Variants in CYRIB observed in about 807,000 individuals in gnomAD.
The protein encoded by CYRIB is CYFIP-related Rac1 interactor B.
A neutral mutation model predicts 44.2 loss-of-function variants in CYRIB; 8 were observed. The observed-to-expected ratio is 0.18, with a 90% CI of 0.11 to 0.33. The LOEUF is 0.33. CYRIB is among the 10% of genes least tolerant of loss of function. The pLI, the probability that CYRIB is intolerant of heterozygous loss-of-function variation, is 1.00. For missense variants in CYRIB, 185 were observed against 382.8 expected (o/e 0.48, Z 4.31); for synonymous variants, 131 against 127.2 (o/e 1.03, Z -0.20).
intron 1 of CYRIB, among the ~76,000 whole-genome samples, chr8:130,003,685 T>C (rs1490470475): frequency 6.6e-6 from 1 of 152,244 alleles, no homozygotes; most frequent in African/African-American, 2.4e-5. Flanking sequence ...ATCAGGTTCC[T>C]CTTCTTTTGG....
At chr8:129,964,377 C>G (rs996147135) in intron 2 of CYRIB, among the ~76,000 whole-genome samples, 1 of 152,200 alleles carries the variant, frequency 6.6e-6, no homozygotes, top group Non-Finnish European at 1.5e-5. Context: ...AAAATTAGTA[C>G]TGACTGAATA....
In CYRIB at chr8:129,878,262, A is replaced by G. The variant is rs186685017; in HGVS notation, c.73+1127T>C. ...TTATAGAAATGGAATAAAAGTAGAAAATAACCAGAGACCACAAATTATTCT... is the reference window on the plus strand; with the variant it reads ...TTATAGAAATGGAATAAAAGTAGAAGATAACCAGAGACCACAAATTATTCT... On this transcript the variant is annotated intron_variant, in intron 3 of 11. Coordinates refer to ENST00000519824, the Ensembl canonical transcript of CYRIB. Among the ~76,000 whole-genome samples the G allele has an allele frequency of 1.6e-4, 24 of 152,370 alleles. No individual in the cohort carries two copies. The East Asian group carries it at 3.1e-3, about 20-fold the overall frequency.
intron 2 of CYRIB, among the ~76,000 whole-genome samples, chr8:129,945,662 G>A (rs1179076297): frequency 1.3e-5 from 2 of 152,082 alleles, no homozygotes; most frequent in Non-Finnish European, 2.9e-5. Context: ...TCCGCCTCCC[G>A]AGTTCAAGCG....
chr8:129,860,189 G>A lies in CYRIB; in HGVS notation c.301+2040C>T, dbSNP rs186582548. Among the ~76,000 whole-genome samples, 76 of 152,262 alleles carry A rather than the reference G, an allele frequency of 5.0e-4. No homozygotes were observed. The South Asian group carries it at 0.01, about 21-fold the overall frequency. ...GCACCCATGATGGGACACACACCAC[G>A]AGACCGATTAATTCCCATGGTAAAA... On this transcript the variant is annotated intron_variant, in intron 5 of 11. Coordinates refer to ENST00000519824, the Ensembl canonical transcript of CYRIB.
upstream of CYRIB, among the ~76,000 whole-genome samples, chr8:129,942,428 T>C (rs1327761837): frequency 2.6e-5 from 4 of 152,202 alleles, no homozygotes; most frequent in Non-Finnish European, 5.9e-5. Flanking sequence ...CTGCCCTGGG[T>C]CCATTCCTGC....
chr8:130,006,432 G>A (rs974587755), intron 1 of CYRIB, among the ~76,000 whole-genome samples: 5 of 147,850 alleles, frequency 3.4e-5, no homozygotes, highest in South Asian at 2.1e-4. Flanking sequence ...CTTGAGCAAC[G>A]TAGCAAGACT....
At chr8:129,907,347 C>CA (rs1321158167) in intron 1 of CYRIB, among the ~76,000 whole-genome samples, 2 of 151,092 alleles carry the variant, frequency 1.3e-5, no homozygotes, top group Non-Finnish European at 2.9e-5. Flanking sequence ...TATCGCAGAA[C>CA]AAAAAACCAA....
intron 1 of CYRIB, among the ~76,000 whole-genome samples, chr8:129,935,401 C>T (rs2092612653): frequency 6.6e-6 from 1 of 152,194 alleles, no homozygotes; most frequent in Admixed American, 6.5e-5. Context: ...CACCTCAGAT[C>T]ACCAAGCGTT....
At chr8:129,905,244 G>A (rs1589283829) in intron 1 of CYRIB, among the ~76,000 whole-genome samples, 1 of 151,948 alleles carries the variant, frequency 6.6e-6, no homozygotes, top group African/African-American at 2.4e-5. Flanking sequence ...TTGAGATGGA[G>A]TCTCACTCTG....
At chr8:129,915,336 A>G (rs1474164054) in intron 1 of CYRIB, among the ~76,000 whole-genome samples, 1 of 152,216 alleles carries the variant, frequency 6.6e-6, no homozygotes. Flanking sequence ...ACATCCAACA[A>G]TAAATATAAA....
intron 4 of CYRIB, among the ~76,000 whole-genome samples, chr8:129,862,669 G>A (rs946414522): frequency 3.9e-5 from 6 of 151,930 alleles, no homozygotes; most frequent in Admixed American, 1.3e-4. Flanking sequence ...ATGGGGTTTC[G>A]CCATGTTGGC....
At chr8:129,977,667 G>GA (rs2095999665) in intron 1 of CYRIB, among the ~76,000 whole-genome samples, 5 of 152,084 alleles carry the variant, frequency 3.3e-5, no homozygotes, top group Admixed American at 3.3e-4. Flanking sequence ...AAGTAGCCGG[G>GA]ACTACAGGCG....
intron 11 of CYRIB, among the ~76,000 whole-genome samples, chr8:129,844,710 G>A (rs895618488): frequency 6.6e-6 from 1 of 152,132 alleles, no homozygotes; most frequent in Admixed American, 6.5e-5. Context: ...ACATACATAT[G>A]GAACTATTCT....
chr8:129,922,565 A>T (rs768459400), intron 1 of CYRIB, among the ~76,000 whole-genome samples: 2 of 152,220 alleles, frequency 1.3e-5, no homozygotes, highest in African/African-American at 2.4e-5. Flanking sequence ...AAGATCATTT[A>T]AAAAATATCT....
rs2042937448 is a variant in CYRIB at position 129,850,926 on chromosome 8, T to C, written c.634-12A>G. 6.6e-7 allele frequency: 1 copy of C among 1,522,524 alleles called. No homozygotes were observed. The highest frequency in any genetic ancestry group is 9.1e-7 in the Non-Finnish European group (1 of 1,102,620). The allele number at this position is 1,522,524 out of a possible 1,614,324, so 94.3% of individuals were successfully genotyped here. On this transcript the variant is annotated splice_polypyrimidine_tract_variant and intron_variant, in intron 8 of 11. Coordinates refer to ENST00000519824, the Ensembl canonical transcript of CYRIB. Reference sequence around the variant, plus strand: ...GGTAAATTTTTATTCTGTAGAAGTATATGAAGAACAAAAAAAGTAAAAGTA... The same window carrying C: ...GGTAAATTTTTATTCTGTAGAAGTACATGAAGAACAAAAAAAGTAAAAGTA...
chr8:129,871,080 TG>T (rs775626318), intron 4 of CYRIB, among the ~76,000 whole-genome samples: 1 of 152,214 alleles, frequency 6.6e-6, no homozygotes, highest in Non-Finnish European at 1.5e-5. Flanking sequence ...ACTGCAAGGA[TG>T]ATTTCCACTT....
chr8:129,943,091 C>CCCACCTG (rs747939663), upstream of CYRIB, among the ~76,000 whole-genome samples: 110 of 132,632 alleles, frequency 8.3e-4, 1 homozygote, highest in Non-Finnish European at 1.4e-3. Flanking sequence ...CGCCCACCCG[C>CCCACCTG]CCCCCCGCAC....
At chr8:129,992,694 C>T (rs2096667525) in intron 1 of CYRIB, among the ~76,000 whole-genome samples, 1 of 152,184 alleles carries the variant, frequency 6.6e-6, no homozygotes, top group African/African-American at 2.4e-5. Flanking sequence ...ACCCATTGTT[C>T]GTATCTCTAC....
intron 1 of CYRIB, among the ~76,000 whole-genome samples, chr8:129,992,217 G>C (rs1318108960): frequency 6.6e-6 from 1 of 151,630 alleles, no homozygotes; most frequent in Non-Finnish European, 1.5e-5. Flanking sequence ...GCTATTCGGA[G>C]GGCTGAGGCA....
Sources: allele counts gnomAD v4.1 joint callset (sites outside exome capture counted in the v4.1 genomes callset), GRCh38; gene constraint gnomAD v4.1.1; transcripts MANE v1.5; gene names NCBI Gene and HGNC (gene_info 2026-07-23, HGNC 2026-07-21).